Variants in SCFD2 observed in about 807,000 individuals in gnomAD.
SCFD2 encodes the protein sec1 family domain containing 2.
Under a neutral mutation model 58.9 loss-of-function variants are expected in SCFD2, and 54 were observed. The ratio of observed to expected loss-of-function variants is 0.92; its 90% confidence interval spans 0.74 to 1.15. The LOEUF (loss-of-function observed/expected upper bound fraction) is 1.15, where lower values mean the gene tolerates loss of function less well. Among genes scored for constraint, SCFD2 ranks in the 50% most tolerant of loss-of-function variants. The pLI is 0.00. For synonymous variants in SCFD2, 321 were observed against 335.9 expected (o/e 0.96, Z 0.49); for missense variants, 805 against 836.6 (o/e 0.96, Z 0.47).
intron 2 of SCFD2, among the ~76,000 whole-genome samples, chr4:53,327,864 C>T (rs915708977): frequency 2.6e-5 from 4 of 152,060 alleles, no homozygotes; most frequent in Admixed American, 6.6e-5. Context: ...AAATAAAGAT[C>T]GGCCGGGTGC....
chr4:52,887,762 C>T (rs575894650), intron 7 of SCFD2, among the ~76,000 whole-genome samples: 5 of 152,278 alleles, frequency 3.3e-5, no homozygotes, highest in African/African-American at 1.2e-4. Flanking sequence ...CTGTGGGTCA[C>T]AGGCAGTCCC....
At chr4:53,033,473 C>A (rs1722673905) in intron 5 of SCFD2, among the ~76,000 whole-genome samples, 1 of 151,994 alleles carries the variant, frequency 6.6e-6, no homozygotes, top group Non-Finnish European at 1.5e-5. Context: ...CAGATCAGAG[C>A]AGAACTGAAG....
At chr4:53,220,968 G>A (rs1176263349) in intron 4 of SCFD2, among the ~76,000 whole-genome samples, 1 of 152,170 alleles carries the variant, frequency 6.6e-6, no homozygotes, top group African/African-American at 2.4e-5. Context: ...GCATCGTGAT[G>A]TTTACTTTAA....
chr4:53,231,194 T>C (rs1233596143), intron 4 of SCFD2, among the ~76,000 whole-genome samples: 1 of 152,162 alleles, frequency 6.6e-6, no homozygotes, highest in Non-Finnish European at 1.5e-5. Context: ...AAACCCTTCT[T>C]AATACTGAAC....
At chr4:53,291,716 C>G (rs1731846201) in intron 3 of SCFD2, among the ~76,000 whole-genome samples, 1 of 151,970 alleles carries the variant, frequency 6.6e-6, no homozygotes, top group Non-Finnish European at 1.5e-5. Context: ...ATCATGCTAC[C>G]CAACTTCAAA....
At chr4:53,240,224 C>T (rs1729851772) in intron 4 of SCFD2, among the ~76,000 whole-genome samples, 1 of 152,168 alleles carries the variant, frequency 6.6e-6, no homozygotes, top group South Asian at 2.1e-4. Flanking sequence ...CTCTTACCTT[C>T]AAAAATCCCA....
At chr4:53,145,865 G>GA (rs1489103035) in intron 4 of SCFD2, among the ~76,000 whole-genome samples, 2 of 150,768 alleles carry the variant, frequency 1.3e-5, no homozygotes, top group Admixed American at 1.3e-4. Context: ...TAATTTTAAA[G>GA]AAAAAAAAGT....
In SCFD2 at chr4:53,097,394, G is replaced by A. The variant is rs1382560961; in HGVS notation, c.1561+47939C>T. Among the ~76,000 whole-genome samples the A allele has an allele frequency of 2.0e-5, 3 of 152,158 alleles. No homozygotes were observed. The East Asian group carries it at 5.8e-4, about 29-fold the overall frequency. ...TTTGTGTCCTCTTTTATTTCATTGA[G>A]CAATGGTTTGTAGTTCTCCTTGAAG... On this transcript the variant is annotated intron_variant, in intron 5 of 8. Transcript: ENST00000401642.
chr4:53,106,403 G>A (rs1189917401), intron 5 of SCFD2, among the ~76,000 whole-genome samples: 1 of 152,134 alleles, frequency 6.6e-6, no homozygotes, highest in Non-Finnish European at 1.5e-5. Flanking sequence ...GCTTCAGAAG[G>A]TGGGTAATAA....
intron 4 of SCFD2, among the ~76,000 whole-genome samples, chr4:53,214,571 G>T (rs1465654426): frequency 4.6e-5 from 7 of 152,062 alleles, no homozygotes; most frequent in Non-Finnish European, 1.0e-4. Flanking sequence ...CAGATGAGTA[G>T]GTTGCAAAAA....
At chr4:53,259,559 A>G (rs539127617) in intron 4 of SCFD2, among the ~76,000 whole-genome samples, 1 of 152,072 alleles carries the variant, frequency 6.6e-6, no homozygotes, top group Non-Finnish European at 1.5e-5. Flanking sequence ...TGGGTTCTCT[A>G]TTCTGTTCCA....
chr4:53,069,797 T>A (rs548073486), intron 5 of SCFD2, among the ~76,000 whole-genome samples: 332 of 152,180 alleles, frequency 2.2e-3, no homozygotes, highest in Non-Finnish European at 4.3e-3. Flanking sequence ...GGATAACTGG[T>A]GTGTATTGTT....
Position 53,276,083 on chromosome 4 carries a change from G to A in SCFD2, c.1136-2082C>T, listed in dbSNP as rs554472875. 2.0e-5 allele frequency among the ~76,000 whole-genome samples: 3 copies of A among 151,740 alleles called. No individual in the cohort carries two copies. The South Asian group carries it at 6.3e-4, about 32-fold the overall frequency. On this transcript the variant is annotated intron_variant, in intron 3 of 8. Coordinates refer to ENST00000401642, the MANE Select transcript of SCFD2 (RefSeq NM_152540.4). Reference sequence around the variant, plus strand: ...TTTTCCTTTAGGCAAATTTCTAGGAGCAGGTTTCTAGGACAGATGTTAAGT... The same window carrying A: ...TTTTCCTTTAGGCAAATTTCTAGGAACAGGTTTCTAGGACAGATGTTAAGT...
intron 5 of SCFD2, among the ~76,000 whole-genome samples, chr4:53,000,821 G>A (rs1027481213): frequency 4.6e-5 from 7 of 152,200 alleles, no homozygotes; most frequent in Non-Finnish European, 8.8e-5. Context: ...TTGACAGGAG[G>A]CAGAGCTCAG....
chr4:53,127,916 C>T (rs1316497929), intron 5 of SCFD2, among the ~76,000 whole-genome samples: 1 of 150,612 alleles, frequency 6.6e-6, no homozygotes, highest in Non-Finnish European at 1.5e-5. Flanking sequence ...CTCCTCTCTA[C>T]TCTGGAGAGT....
intron 5 of SCFD2, among the ~76,000 whole-genome samples, chr4:53,039,625 C>T (rs1057168283): frequency 6.6e-6 from 1 of 152,196 alleles, no homozygotes; most frequent in African/African-American, 2.4e-5. Flanking sequence ...AGAGGATTGG[C>T]TGCTCCACTC....
chr4:53,197,901 C>T (rs1391088553), intron 4 of SCFD2, among the ~76,000 whole-genome samples: 1 of 151,974 alleles, frequency 6.6e-6, no homozygotes, highest in East Asian at 1.9e-4. Flanking sequence ...ATAAGAATGT[C>T]TTCATATTTT....
intron 5 of SCFD2, among the ~76,000 whole-genome samples, chr4:52,981,136 T>C (rs1354160095): frequency 1.3e-5 from 2 of 152,220 alleles, no homozygotes; most frequent in Non-Finnish European, 2.9e-5. Flanking sequence ...TTTGGATGTC[T>C]GACAATCTGA....
intron 4 of SCFD2, among the ~76,000 whole-genome samples, chr4:53,269,513 T>G (rs1731095235): frequency 6.6e-6 from 1 of 152,160 alleles, no homozygotes; most frequent in East Asian, 1.9e-4. Context: ...TTGAAGAAAT[T>G]ATAGTTTTGA....
Sources: allele counts gnomAD v4.1 joint callset (sites outside exome capture counted in the v4.1 genomes callset), GRCh38; gene constraint gnomAD v4.1.1; transcripts MANE v1.5; gene names NCBI Gene and HGNC (gene_info 2026-07-23, HGNC 2026-07-21).